SYT1: variants seen among roughly 807,000 people sequenced by gnomAD.
SYT1 encodes synaptotagmin-1.
Under a neutral mutation model 44.8 loss-of-function variants are expected in SYT1, and 8 were observed. That is an observed-to-expected ratio of 0.18 (90% CI 0.10 to 0.32). The LOEUF (loss-of-function observed/expected upper bound fraction) is 0.32. Among genes scored for constraint, SYT1 ranks in the 10% least tolerant of loss-of-function variants. The pLI is 1.00. For missense variants in SYT1, 286 were observed against 509.3 expected, an observed-to-expected ratio of 0.56 and a Z score of 4.22; for synonymous variants, 154 against 188.8, an observed-to-expected ratio of 0.82 and a Z score of 1.51.
At chr12:78,895,673 T>G (rs1875319497) in intron 1 of SYT1, among the ~76,000 whole-genome samples, 1 of 151,810 alleles carries the variant, frequency 6.6e-6, no homozygotes, top group African/African-American at 2.4e-5. Context: ...TTGTGAAATG[T>G]GCAAAGTATT....
chr12:78,980,610 AAAG>A (rs1232402388), intron 2 of SYT1, among the ~76,000 whole-genome samples: 1 of 152,196 alleles, frequency 6.6e-6, no homozygotes, highest in Non-Finnish European at 1.5e-5. Context: ...TTTCAAATAT[AAAG>A]AATGCTATAA....
At chr12:78,951,791 C>T (rs1354998029) in intron 1 of SYT1, among the ~76,000 whole-genome samples, 3 of 152,042 alleles carry the variant, frequency 2.0e-5, no homozygotes, top group African/African-American at 7.2e-5. Context: ...GGGTATTTTG[C>T]CATTGTCTAA....
chr12:79,217,003 A>G (rs1362179818), intron 3 of SYT1, among the ~76,000 whole-genome samples: 2 of 152,182 alleles, frequency 1.3e-5, no homozygotes, highest in African/African-American at 4.8e-5. Context: ...TAGAGTATCA[A>G]TATTATGAAT....
intron 1 of SYT1, among the ~76,000 whole-genome samples, chr12:78,917,696 C>G (rs1876747873): frequency 6.6e-6 from 1 of 151,586 alleles, no homozygotes; most frequent in African/African-American, 2.4e-5. Context: ...CCCACCCACA[C>G]ATCCCCACAA....
At chr12:79,264,479 G>A (rs564520346) in intron 4 of SYT1, among the ~76,000 whole-genome samples, 4 of 152,264 alleles carry the variant, frequency 2.6e-5, no homozygotes, top group Middle Eastern at 3.4e-3. Flanking sequence ...TGAACTCAAG[G>A]TAGCTTTTTC....
At chr12:78,958,700 G>GAA (rs538473382) in intron 1 of SYT1, among the ~76,000 whole-genome samples, 25 of 141,898 alleles carry the variant, frequency 1.8e-4, no homozygotes, top group Middle Eastern at 3.6e-3. Context: ...TTTCTGAAGA[G>GAA]AAAAAAAAAA....
At chr12:78,921,570 A>C (rs1877002771) in intron 1 of SYT1, among the ~76,000 whole-genome samples, 1 of 151,930 alleles carries the variant, frequency 6.6e-6, no homozygotes, top group Non-Finnish European at 1.5e-5. Flanking sequence ...GTTATTACAC[A>C]GCTCAGGTCT....
At chr12:79,128,584 G>T (rs1301214925) in intron 3 of SYT1, among the ~76,000 whole-genome samples, 1 of 152,176 alleles carries the variant, frequency 6.6e-6, no homozygotes, top group Non-Finnish European at 1.5e-5. Flanking sequence ...GATTTTCCTA[G>T]AACTTCTGAT....
At chr12:79,171,998 T>G (rs1164143539) in intron 3 of SYT1, among the ~76,000 whole-genome samples, 1 of 152,032 alleles carries the variant, frequency 6.6e-6, no homozygotes, top group African/African-American at 2.4e-5. Context: ...GGTATCTTGA[T>G]TGTTACTACT....
chr12:79,338,674 C>CT (rs1229178133), intron 8 of SYT1, among the ~76,000 whole-genome samples: 158 of 147,094 alleles, frequency 1.1e-3, no homozygotes, highest in African/African-American at 3.1e-3. Context: ...CCCTCCCTCC[C>CT]TTTTTTTTTA....
intron 4 of SYT1, among the ~76,000 whole-genome samples, chr12:79,253,588 C>T (rs1174208649): frequency 6.6e-6 from 1 of 150,524 alleles, no homozygotes; most frequent in African/African-American, 2.4e-5. Flanking sequence ...AATTAATAAT[C>T]CTGCAATGAC....
chr12:79,144,409 C>A (rs1869747670), intron 3 of SYT1, among the ~76,000 whole-genome samples: 1 of 152,232 alleles, frequency 6.6e-6, no homozygotes, highest in Non-Finnish European at 1.5e-5. Context: ...TTTTACCCCA[C>A]CGCCCAGAAG....
chr12:78,983,061 A>G (rs908661495), intron 2 of SYT1, among the ~76,000 whole-genome samples: 4 of 150,748 alleles, frequency 2.7e-5, no homozygotes, highest in African/African-American at 9.8e-5. Flanking sequence ...CTTTAATCGT[A>G]TTTTTGTCTA....
intron 9 of SYT1, among the ~76,000 whole-genome samples, chr12:79,384,990 T>TC (rs1321996902): frequency 1.3e-4 from 20 of 149,582 alleles, no homozygotes; most frequent in Admixed American, 8.7e-4. Flanking sequence ...CCACTGGATT[T>TC]TTTTTTTTTT....
At chr12:79,432,855 G>T (rs78126476) in intron 9 of SYT1, among the ~76,000 whole-genome samples, 1 of 151,976 alleles carries the variant, frequency 6.6e-6, no homozygotes, top group Non-Finnish European at 1.5e-5. Context: ...CTCATGATCC[G>T]CCCATCTCGG....
intron 9 of SYT1, among the ~76,000 whole-genome samples, chr12:79,441,192 G>GACC (rs1480267308): frequency 6.6e-6 from 1 of 152,200 alleles, no homozygotes; most frequent in Non-Finnish European, 1.5e-5. Context: ...CAACGTAAGT[G>GACC]CTTTGGTACC....
rs890074910 is a variant in SYT1 at position 79,070,594 on chromosome 12, CT to C, written c.-18+23240del. On this transcript the variant is annotated intron_variant, in intron 3 of 10. Coordinates refer to ENST00000261205, the MANE Select transcript of SYT1 (RefSeq NM_005639.3). Reference sequence around the variant, plus strand: ...CCAATTTTTTAGGCGTTTTTCTCTTCTTTTTTTTCTTTTTCTAAAGTTTTAC... The same window carrying C: ...CCAATTTTTTAGGCGTTTTTCTCTTCTTTTTTTCTTTTTCTAAAGTTTTAC... Among the ~76,000 whole-genome samples, 12 of 151,890 alleles carry C rather than the reference CT, an allele frequency of 7.9e-5. 1 individual carries two copies. Among genetic ancestry groups the C allele is most frequent in the East Asian group, 7.8e-4 (4 of 5,158 alleles).
intron 4 of SYT1, among the ~76,000 whole-genome samples, chr12:79,283,099 T>C (rs1879132108): frequency 6.6e-6 from 1 of 152,162 alleles, no homozygotes; most frequent in African/African-American, 2.4e-5. Flanking sequence ...AAAATGGCTG[T>C]TTCTTTACAT....
At chr12:78,877,663 C>G (rs1013751514) in intron 1 of SYT1, among the ~76,000 whole-genome samples, 1 of 126,674 alleles carries the variant, frequency 7.9e-6, no homozygotes, top group Admixed American at 8.3e-5. Context: ...CAATGTATAA[C>G]AGCCTGTATT....
Sources: allele counts gnomAD v4.1 joint callset (sites outside exome capture counted in the v4.1 genomes callset), GRCh38; gene constraint gnomAD v4.1.1; transcripts MANE v1.5; gene names NCBI Gene and HGNC (gene_info 2026-07-23, HGNC 2026-07-21).